Variants in CPEB3 observed in about 807,000 individuals in gnomAD.
The protein encoded by CPEB3 is cytoplasmic polyadenylation element-binding protein 3.
A neutral mutation model predicts 67.2 loss-of-function variants in CPEB3; 20 were observed. That is an observed-to-expected ratio of 0.30 (90% CI 0.21 to 0.43). The LOEUF (loss-of-function observed/expected upper bound fraction) is 0.43. Among genes scored for constraint, CPEB3 ranks in the 20% least tolerant of loss-of-function variants. The probability of loss-of-function intolerance (pLI) is 1.00; values close to 1 mark genes in which losing one functional copy is unlikely to be tolerated. For missense variants in CPEB3, 746 were observed against 968.6 expected (o/e 0.77, Z 3.05); for synonymous variants, 376 against 393.1 (o/e 0.96, Z 0.51).
intron 4 of CPEB3, among the ~76,000 whole-genome samples, chr10:92,159,395 G>A (rs1225153326): frequency 6.6e-6 from 1 of 151,904 alleles, no homozygotes; most frequent in Non-Finnish European, 1.5e-5. Flanking sequence ...TTTCTGACTG[G>A]GTGCAGTGGC....
At chr10:92,162,383 A>G (rs1265810449) in intron 4 of CPEB3, among the ~76,000 whole-genome samples, 3 of 152,066 alleles carry the variant, frequency 2.0e-5, no homozygotes, top group Non-Finnish European at 4.4e-5. Context: ...TATTTATTAA[A>G]TCATAGATAC....
chr10:92,059,623 G>A (rs779009302), intron 9 of CPEB3, among the ~76,000 whole-genome samples: 4 of 151,964 alleles, frequency 2.6e-5, no homozygotes, highest in Non-Finnish European at 4.4e-5. Context: ...ATAAAGATCA[G>A]AGTAGAAATA....
At chr10:92,197,485 T>A (rs1387031077) in intron 2 of CPEB3, among the ~76,000 whole-genome samples, 2 of 152,234 alleles carry the variant, frequency 1.3e-5, no homozygotes, top group Non-Finnish European at 2.9e-5. Context: ...TTAGACCTTT[T>A]TTTATAAGTT....
At chr10:92,210,682 A>G (rs1156723367) in intron 2 of CPEB3, among the ~76,000 whole-genome samples, 2 of 152,246 alleles carry the variant, frequency 1.3e-5, no homozygotes, top group African/African-American at 2.4e-5. Context: ...ACTACTCTTC[A>G]TTTGAATAAT....
In CPEB3 at chr10:92,239,539, G is replaced by T; in HGVS notation, c.812C>A (p.Ala271Glu). ...ACCCACACCCACGCCCACACCGACC[G>T]CCCGGCGAGGGTCCCGGCCCGCCTG... ...GLQAGRDPRR[A>E]VGVGVGVGVG... is the part of the protein sequence containing the mutation. The change falls in exon 2 of 10, where the codon GCG becomes GAG. Residue 271 changes from alanine to glutamate, a missense_variant. Coordinates refer to ENST00000265997, the MANE Select transcript of CPEB3 (RefSeq NM_014912.5). The surrounding 1 kb of genome is among the most constrained non-coding windows in gnomAD (Gnocchi z 6.0). 6.4e-7 allele frequency: 1 copy of T among 1,558,610 alleles called. No individual in the cohort carries two copies.
At chr10:92,115,805 T>G (rs992000793) in intron 6 of CPEB3, among the ~76,000 whole-genome samples, 5 of 152,140 alleles carry the variant, frequency 3.3e-5, no homozygotes, top group African/African-American at 1.2e-4. Context: ...ATAATATCTC[T>G]CACTTTAAAA....
At chr10:92,227,921 C>T (rs546150806) in intron 2 of CPEB3, among the ~76,000 whole-genome samples, 34 of 151,318 alleles carry the variant, frequency 2.2e-4, no homozygotes, top group Non-Finnish European at 4.6e-4. Flanking sequence ...TGAAATCTCA[C>T]TCTGTCGCCC....
At position 92,239,388 on chromosome 10, in the gene CPEB3, G is replaced by T. The variant is rs771865581; in HGVS notation, c.963C>A (p.Asn321Lys). 8 of 1,606,306 alleles carry T rather than the reference G, an allele frequency of 5.0e-6. No homozygotes were observed. The highest frequency in any genetic ancestry group is 6.8e-6 in the Non-Finnish European group (8 of 1,176,468). Residue 321 changes from asparagine to lysine, a missense_variant, in exon 2 of 10, where the codon AAC (asparagine) becomes AAA (lysine). By Grantham distance (94) the Asn-to-Lys change is moderately conservative. This residue lies in a region of CPEB3 where 643 missense variants were observed against 717.5 expected (regional missense o/e 0.90). Transcript: ENST00000265997. The surrounding 1 kb of genome is among the most constrained non-coding windows in gnomAD (Gnocchi z 6.0). ...PLTSKSWMED[N>K]AFRTDNGNNL... is the part of the protein sequence containing the mutation. ...TGTTACCATTATCGGTCCGGAAAGC[G>T]TTATCCTCCATCCAGGACTTGGAAG... is the stretch of plus-strand genomic sequence containing the variant.
At position 92,240,356 on chromosome 10, in the gene CPEB3, G is replaced by A. The variant is rs1003347258; in HGVS notation, c.-6C>T. On this transcript the variant is annotated 5_prime_UTR_variant, in exon 2 of 10. Transcript: ENST00000265997. Reference sequence around the variant, plus strand: ...ATCAGTAAATCATCCTGCATGGTTTGCGCAGCTGAAACGGGAAAAAAGAGA... The same window carrying A: ...ATCAGTAAATCATCCTGCATGGTTTACGCAGCTGAAACGGGAAAAAAGAGA... The A allele has an allele frequency of 6.2e-6, 9 of 1,448,158 alleles. No homozygotes were observed. The highest frequency in any genetic ancestry group is 8.2e-6 in the Non-Finnish European group (9 of 1,097,320). The allele number at this position is 1,448,158 out of a possible 1,614,324, so 89.7% of individuals were successfully genotyped here.
intron 9 of CPEB3, among the ~76,000 whole-genome samples, chr10:92,077,704 C>A (rs1381685339): frequency 6.6e-6 from 1 of 151,258 alleles, no homozygotes; most frequent in African/African-American, 2.4e-5. Context: ...AGCTGCACTC[C>A]AGCCTGGGTG....
intron 9 of CPEB3, among the ~76,000 whole-genome samples, chr10:92,059,181 CCAGGCATGGTAGCA>C (rs1419288750): frequency 6.6e-6 from 1 of 151,648 alleles, no homozygotes; most frequent in African/African-American, 2.4e-5. Context: ...ACAAAATTAG[CCAGGCATGGTAGCA>C]CATGCCTGTA....
intron 2 of CPEB3, among the ~76,000 whole-genome samples, chr10:92,203,212 A>G (rs554885079): frequency 4.0e-5 from 6 of 151,602 alleles, no homozygotes; most frequent in Non-Finnish European, 8.8e-5. Flanking sequence ...AAGGGCTGAC[A>G]TTACAGGCGT....
intron 2 of CPEB3, among the ~76,000 whole-genome samples, chr10:92,231,169 A>G (rs2134561454): frequency 6.6e-6 from 1 of 151,966 alleles, no homozygotes; most frequent in South Asian, 2.1e-4. Context: ...GTCTATATAT[A>G]CTCCCTAGTC....
rs1172098647 is a variant in CPEB3, at chr10:92,047,544, CCTCA to C, written c.*4664_*4667del. 4 of 152,188 alleles carry C rather than the reference CCTCA, an allele frequency of 2.6e-5. No homozygotes were observed. The highest frequency in any genetic ancestry group is 2.9e-5 in the Non-Finnish European group (2 of 68,034). 9.4% of individuals were successfully genotyped at this position (152,188 alleles called of 1,614,324 possible). A position where few individuals can be genotyped will look rare whatever the true frequency, so the allele number is the denominator to read the frequency against. The stretch of plus-strand genomic sequence containing the variant: ...GCAGTACATTCTGCATTAGCCCATG[CCTCA>C]CTAACAAGCTATAAAACACAAGATA... On this transcript the variant is annotated 3_prime_UTR_variant, in exon 10 of 10. Transcript: ENST00000265997.
Position 92,239,455 on chromosome 10 carries a change from T to C in CPEB3, c.896A>G (p.Asn299Ser), listed in dbSNP as rs1267795973. Reference protein sequence around the residue: ...ISPLKKPFSSNVIAPPKFPRA... With the variant: ...ISPLKKPFSSSVIAPPKFPRA... ...AGGGAACTTGGGCGGCGCGATCACG[T>C]TGCTGGAGAAGGGCTTTTTGAGCGG... Residue 299 changes from asparagine to serine, a missense_variant, in exon 2 of 10, where the codon AAC becomes AGC. Physicochemically the swap from Asn to Ser is conservative, Grantham distance 46 (BLOSUM62 1). Transcript: ENST00000265997. This position sits in a 1 kb window ranked among gnomAD's most constrained non-coding sequence, Gnocchi z 6.0. 6.3e-7 allele frequency: 1 copy of C among 1,598,328 alleles called. No individual in the cohort carries two copies.
At chr10:92,271,755 C>T (rs1305178871) in intron 1 of CPEB3, among the ~76,000 whole-genome samples, 1 of 152,038 alleles carries the variant, frequency 6.6e-6, no homozygotes, top group Non-Finnish European at 1.5e-5. Context: ...ACTGTATTAC[C>T]CCTTTTACTT....
chr10:92,248,868 C>A (rs1360646672), intron 1 of CPEB3, among the ~76,000 whole-genome samples: 6 of 152,188 alleles, frequency 3.9e-5, no homozygotes, highest in African/African-American at 1.4e-4. Flanking sequence ...ATTGACATAA[C>A]TGACCACTCT....
intron 3 of CPEB3, among the ~76,000 whole-genome samples, chr10:92,186,715 G>A (rs984941516): frequency 3.3e-5 from 5 of 152,170 alleles, no homozygotes; most frequent in Admixed American, 2.0e-4. Flanking sequence ...GATTATAGGC[G>A]TGAGCCACCA....
intron 1 of CPEB3, among the ~76,000 whole-genome samples, chr10:92,272,708 T>C (rs185357755): frequency 6.6e-6 from 1 of 152,336 alleles, no homozygotes; most frequent in Non-Finnish European, 1.5e-5. Context: ...TCATGAAGCT[T>C]AGATTCTAGC....
Sources: gnomAD v4.1 joint callset for allele counts (sites outside exome capture counted in the v4.1 genomes callset) on GRCh38, gnomAD v4.1.1 for gene constraint, gnomAD v4.1.1 regional missense constraint, Gnocchi (gnomAD v3.1) non-coding constraint, MANE v1.5 for transcripts, NCBI Gene and HGNC (gene_info 2026-07-23, HGNC 2026-07-21) for gene names.